Variants in SHISA9 observed in about 807,000 individuals in gnomAD.
SHISA9 encodes protein shisa-9.
In SHISA9, 13 loss-of-function variants were observed where a neutral mutation model predicts 38.0. That is an observed-to-expected ratio of 0.34 (90% CI 0.22 to 0.54). SHISA9 has a LOEUF of 0.54. Ranked by LOEUF, SHISA9 falls within the 20% of genes least tolerant of loss-of-function variation. SHISA9 has a pLI of 0.91. For missense variants in SHISA9, 538 were observed against 575.8 expected (o/e 0.93, Z 0.67); for synonymous variants, 275 against 242.0 (o/e 1.14, Z -1.27).
chr16:13,192,275 A>G (rs941266339), intron 2 of SHISA9, among the ~76,000 whole-genome samples: 2 of 152,136 alleles, frequency 1.3e-5, no homozygotes, highest in South Asian at 2.1e-4. Flanking sequence ...TTCAGGTACA[A>G]TGTTCACTAT....
chr16:13,382,833 G>C, the SHISA9 span, among the ~76,000 whole-genome samples: 44 of 152,296 alleles, frequency 2.9e-4, no homozygotes, highest in African/African-American at 1.1e-3. Flanking sequence ...ACTCCAGCCT[G>C]GGTGATAGAG....
chr16:12,920,513 G>T (rs758625000), intron 2 of SHISA9, among the ~76,000 whole-genome samples: 1 of 152,142 alleles, frequency 6.6e-6, no homozygotes, highest in Non-Finnish European at 1.5e-5. Context: ...TGGATTGTTT[G>T]TAACTGAAAG....
At chr16:13,097,302 G>A (rs891830602) in intron 2 of SHISA9, among the ~76,000 whole-genome samples, 14 of 152,074 alleles carry the variant, frequency 9.2e-5, no homozygotes, top group Non-Finnish European at 1.6e-4. Context: ...TTAAACCCAG[G>A]ACCCTTGACC....
the SHISA9 span, among the ~76,000 whole-genome samples, chr16:13,482,142 T>C: frequency 4.6e-5 from 7 of 152,202 alleles, no homozygotes; most frequent in Non-Finnish European, 1.5e-5. Context: ...AGCTTCTAGA[T>C]GGATTCAACC....
At chr16:13,096,515 C>T (rs938757142) in intron 2 of SHISA9, among the ~76,000 whole-genome samples, 6 of 152,266 alleles carry the variant, frequency 3.9e-5, no homozygotes, top group African/African-American at 1.4e-4. Context: ...ATGCAAGACT[C>T]ATGCTGAAGC....
the SHISA9 span, among the ~76,000 whole-genome samples, chr16:13,367,938 G>A: frequency 6.6e-6 from 1 of 151,412 alleles, no homozygotes; most frequent in Non-Finnish European, 1.5e-5. Flanking sequence ...TAAATTTTAG[G>A]GTACATGTGC....
At chr16:13,204,360 G>A (rs2051043187) in intron 3 of SHISA9, among the ~76,000 whole-genome samples, 1 of 152,126 alleles carries the variant, frequency 6.6e-6, no homozygotes, top group African/African-American at 2.4e-5. Flanking sequence ...AGGCAGGGTG[G>A]CTGGGCGAGG....
Position 13,148,494 on chromosome 16 carries a change from C to T in SHISA9, c.692-54900C>T, listed in dbSNP as rs114470819. ...ATATACCTCACACTCACCTACCCACCCACGTCACATTGACACTCATATCGA... is the reference window on the plus strand; with the variant it reads ...ATATACCTCACACTCACCTACCCACTCACGTCACATTGACACTCATATCGA... On this transcript the variant is annotated intron_variant, in intron 2 of 4. Transcript: ENST00000558583. Among the ~76,000 whole-genome samples, 721 of 152,168 alleles carry T rather than the reference C, an allele frequency of 4.7e-3. 8 individuals carry two copies. Among genetic ancestry groups the T allele is most frequent in the African/African-American group, 0.017 (686 of 41,492 alleles).
intron 2 of SHISA9, among the ~76,000 whole-genome samples, chr16:13,190,247 C>T (rs2050871119): frequency 7.0e-6 from 1 of 142,792 alleles, no homozygotes; most frequent in African/African-American, 2.7e-5. Context: ...TACCCCACAA[C>T]AGTCCCCAGA....
the SHISA9 span, among the ~76,000 whole-genome samples, chr16:13,422,812 T>A: frequency 6.6e-6 from 1 of 152,236 alleles, no homozygotes; most frequent in Non-Finnish European, 1.5e-5. Context: ...TTCATGACCT[T>A]GTGAGTGATC....
At chr16:13,106,369 C>G (rs2073925438) in intron 2 of SHISA9, among the ~76,000 whole-genome samples, 1 of 152,194 alleles carries the variant, frequency 6.6e-6, no homozygotes, top group Non-Finnish European at 1.5e-5. Flanking sequence ...GAGTCCACCT[C>G]CACCACTTAC....
At chr16:13,007,657 C>T (rs1006519444) in intron 2 of SHISA9, among the ~76,000 whole-genome samples, 1 of 152,216 alleles carries the variant, frequency 6.6e-6, no homozygotes, top group South Asian at 2.1e-4. Context: ...TCTCTAACTC[C>T]CCAGCCTCAG....
chr16:13,354,940 A>G, the SHISA9 span, among the ~76,000 whole-genome samples: 1 of 151,658 alleles, frequency 6.6e-6, no homozygotes, highest in African/African-American at 2.4e-5. Flanking sequence ...GCTTTGCGGC[A>G]GTACAGCCCA....
At chr16:13,243,551 A>G (rs1228692740), downstream of SHISA9, among the ~76,000 whole-genome samples, 1 of 152,158 alleles carries the variant, frequency 6.6e-6, no homozygotes, top group Non-Finnish European at 1.5e-5. Flanking sequence ...GGTTGATGCA[A>G]GAGGTAGTGG....
At chr16:13,287,596 G>C in the SHISA9 span, among the ~76,000 whole-genome samples, 1 of 152,182 alleles carries the variant, frequency 6.6e-6, no homozygotes, top group Non-Finnish European at 1.5e-5. Flanking sequence ...GTGATGGGGA[G>C]AAAGCAAGGA....
intron 2 of SHISA9, among the ~76,000 whole-genome samples, chr16:13,042,438 C>A (rs959317454): frequency 5.9e-5 from 9 of 152,204 alleles, no homozygotes; most frequent in African/African-American, 2.2e-4. Context: ...CTGACCCAGG[C>A]TTCCCAAACA....
chr16:13,322,760 G>A, the SHISA9 span, among the ~76,000 whole-genome samples: 1 of 152,168 alleles, frequency 6.6e-6, no homozygotes, highest in Non-Finnish European at 1.5e-5. Context: ...GTGGGGATGA[G>A]GAAAGCTTGA....
chr16:13,459,863 GTA>G, the SHISA9 span, among the ~76,000 whole-genome samples: 1 of 152,306 alleles, frequency 6.6e-6, no homozygotes, highest in East Asian at 1.9e-4. Context: ...AAACAAGTGT[GTA>G]TGAGTCCTGA....
the SHISA9 span, among the ~76,000 whole-genome samples, chr16:13,489,153 T>A: frequency 6.6e-6 from 1 of 152,016 alleles, no homozygotes; most frequent in Non-Finnish European, 1.5e-5. Flanking sequence ...TTCAAGCGAT[T>A]CTCCTGCCTA....
Sources: gnomAD v4.1 joint callset for allele counts (sites outside exome capture counted in the v4.1 genomes callset) on GRCh38, gnomAD v4.1.1 for gene constraint, MANE v1.5 for transcripts, NCBI Gene and HGNC (gene_info 2026-07-23, HGNC 2026-07-21) for gene names.